Variants in STK3 observed in about 807,000 individuals in gnomAD.
STK3 encodes serine/threonine kinase 3.
In STK3, 41 loss-of-function variants were observed where a neutral mutation model predicts 58.0. The ratio of observed to expected loss-of-function variants is 0.71; its 90% confidence interval spans 0.55 to 0.92. The LOEUF is 0.92. Ranked by LOEUF, STK3 falls within the 40% of genes least tolerant of loss-of-function variation. The pLI, the probability that STK3 is intolerant of heterozygous loss-of-function variation, is 0.00. For synonymous variants in STK3, 170 were observed against 191.0 expected (o/e 0.89, Z 0.91); for missense variants, 479 against 602.7 (o/e 0.79, Z 2.15).
intron 6 of STK3, among the ~76,000 whole-genome samples, chr8:98,699,446 T>C (rs1412072604): frequency 2.6e-5 from 4 of 152,178 alleles, no homozygotes; most frequent in Non-Finnish European, 5.9e-5. Context: ...CTCTGCTTTT[T>C]AGAGTTTCCA....
At chr8:98,902,598 TC>T (rs1838698930) in intron 1 of STK3, among the ~76,000 whole-genome samples, 1 of 152,232 alleles carries the variant, frequency 6.6e-6, no homozygotes, top group African/African-American at 2.4e-5. Flanking sequence ...TCTTGTGTCT[TC>T]CCACTGTCAC....
chr8:98,563,870 T>C (rs1206025488), intron 8 of STK3, among the ~76,000 whole-genome samples: 1 of 152,048 alleles, frequency 6.6e-6, no homozygotes, highest in Non-Finnish European at 1.5e-5. Context: ...ACTGAATAAA[T>C]GGGGAGAAGA....
chr8:98,449,341 A>G (rs1335370422), intron 1 of STK3, among the ~76,000 whole-genome samples: 7 of 152,194 alleles, frequency 4.6e-5, no homozygotes, highest in African/African-American at 1.7e-4. Flanking sequence ...ATGCCTCCAG[A>G]TAGTTCCTTT....
At chr8:98,596,822 G>A (rs1025077767) in intron 6 of STK3, among the ~76,000 whole-genome samples, 4 of 151,864 alleles carry the variant, frequency 2.6e-5, no homozygotes, top group Non-Finnish European at 5.9e-5. Flanking sequence ...TCGCCTCCTA[G>A]ATAGTCACCC....
At chr8:98,840,508 G>C (rs1296494239) in intron 3 of STK3, among the ~76,000 whole-genome samples, 1 of 145,738 alleles carries the variant, frequency 6.9e-6, no homozygotes, top group African/African-American at 2.5e-5. Context: ...GGAGGTGGAG[G>C]CTGCAGTGAG....
At chr8:98,614,442 G>A (rs557761926) in intron 6 of STK3, among the ~76,000 whole-genome samples, 33 of 152,254 alleles carry the variant, frequency 2.2e-4, no homozygotes, top group African/African-American at 7.2e-4. Flanking sequence ...AAGATGTCTC[G>A]ATCGGGGGAG....
At chr8:98,878,714 G>T (rs113517862) in intron 3 of STK3, among the ~76,000 whole-genome samples, 1 of 152,044 alleles carries the variant, frequency 6.6e-6, no homozygotes, top group East Asian at 1.9e-4. Flanking sequence ...TTGTAAGGGT[G>T]CACCCTTCTC....
chr8:98,484,793 T>A (rs897975363), intron 10 of STK3, among the ~76,000 whole-genome samples: 5 of 152,146 alleles, frequency 3.3e-5, no homozygotes, highest in African/African-American at 1.2e-4. Context: ...TTATGACAAA[T>A]AATATCTATA....
chr8:98,774,675 A>G, intron 2 of STK3, 64 bp downstream of exon 2: 2 of 1,152,534 alleles, frequency 1.7e-6, no homozygotes, highest in Non-Finnish European at 2.5e-6. Flanking sequence ...AAAGATTAAC[A>G]TCATATAATA....
chr8:98,453,608 G>A (rs144553966), downstream of STK3, among the ~76,000 whole-genome samples: 355 of 152,212 alleles, frequency 2.3e-3, 1 homozygote, highest in African/African-American at 8.0e-3. Context: ...GATATAATAG[G>A]ATATAAAGTC....
At chr8:98,908,893 T>C (rs933871464) in intron 1 of STK3, among the ~76,000 whole-genome samples, 1 of 147,184 alleles carries the variant, frequency 6.8e-6, no homozygotes, top group African/African-American at 2.5e-5. Flanking sequence ...AGGTGGCTCA[T>C]GTCTGTAATC....
intron 10 of STK3, among the ~76,000 whole-genome samples, chr8:98,511,832 T>C (rs1824538152): frequency 6.6e-6 from 1 of 152,092 alleles, no homozygotes; most frequent in African/African-American, 2.4e-5. Flanking sequence ...AATTACAAAA[T>C]AAAGGTAACT....
rs775554728 is a variant in STK3 at position 98,707,279 on chromosome 8, T to C, written c.384A>G (p.Lys128=). The C allele has an allele frequency of 9.0e-6, 14 of 1,560,768 alleles. No individual in the cohort carries two copies. Among genetic ancestry groups the C allele is most frequent in the Non-Finnish European group, 1.2e-5 (14 of 1,154,528 alleles). ...AATATTCTAGTCCTTTCAATGTAGA[T>C]TTAAGAATGGTTGCAATTTCATCTT... ...LIEDEIATIL[K]STLKGLEYLH... The change falls in exon 5 of 11, where the codon AAA becomes AAG. Residue 128 remains lysine (K), a synonymous_variant. Coordinates refer to ENST00000419617, the MANE Select transcript of STK3 (RefSeq NM_006281.4).
In STK3 at chr8:98,526,806, A is replaced by C. The variant is rs36047674; in HGVS notation, c.1253T>G (p.Phe418Cys). Residue 418 changes from phenylalanine (F) to cysteine (C), a missense_variant, in exon 10 of 11, where the codon TTC (phenylalanine) becomes TGC (cysteine). Phe to Cys is a radical substitution (Grantham distance 205). Around this residue, in one of 3 missense-constraint regions of STK3, gnomAD observed 309 missense variants for 355.7 expected, o/e 0.87. Transcript: ENST00000419617. The part of the protein sequence containing the change: ...ENCNQNMHEP[F>C]PMSKNVFPDN... Reference sequence around the variant, plus strand: ...AGGAAAAACGTTTTTGGACATAGGGAAGGGTTCATGCATGTTCTGATTACA... The same window carrying C: ...AGGAAAAACGTTTTTGGACATAGGGCAGGGTTCATGCATGTTCTGATTACA... 1,037 of 1,592,304 alleles carry C rather than the reference A, an allele frequency of 6.5e-4. No homozygotes were observed. Among genetic ancestry groups the C allele is most frequent in the Non-Finnish European group, 8.5e-4 (988 of 1,167,230 alleles).
chr8:98,801,083 T>A (rs56099380), intron 1 of STK3, among the ~76,000 whole-genome samples: 5,152 of 152,310 alleles, frequency 0.034, 117 homozygotes, highest in South Asian at 0.068. Flanking sequence ...AACTTTTATA[T>A]CTAGCCAAAG....
chr8:98,498,116 G>A (rs1422021344), intron 10 of STK3, among the ~76,000 whole-genome samples: 1 of 151,896 alleles, frequency 6.6e-6, no homozygotes, highest in Non-Finnish European at 1.5e-5. Context: ...ATCAATTGAT[G>A]GATATCTGGG....
chr8:98,401,276 G>A (rs1277392037), downstream of STK3: 1 of 152,240 alleles, frequency 6.6e-6, no homozygotes, highest in Non-Finnish European at 1.5e-5. Context: ...GGATGGGGAA[G>A]GCTTTGCTGG....
At chr8:98,653,123 A>C (rs1821105803) in intron 6 of STK3, among the ~76,000 whole-genome samples, 1 of 152,242 alleles carries the variant, frequency 6.6e-6, no homozygotes, top group African/African-American at 2.4e-5. Context: ...ACAAATTATA[A>C]CAAACTGTCT....
At chr8:98,620,998 C>T (rs907753278) in intron 6 of STK3, among the ~76,000 whole-genome samples, 12 of 146,340 alleles carry the variant, frequency 8.2e-5, no homozygotes, top group Admixed American at 5.5e-4. Context: ...GGCGGGATCT[C>T]GGCTCACTGC....
Sources: gnomAD v4.1 joint callset for allele counts (sites outside exome capture counted in the v4.1 genomes callset) on GRCh38, gnomAD v4.1.1 for gene constraint, gnomAD v4.1.1 regional missense constraint, MANE v1.5 for transcripts, NCBI Gene and HGNC (gene_info 2026-07-23, HGNC 2026-07-21) for gene names.